Variants in MAX observed in about 807,000 individuals in gnomAD.
The protein encoded by MAX is protein max.
In MAX, 3 loss-of-function variants were observed where a neutral mutation model predicts 22.3. That is an observed-to-expected ratio of 0.13 (90% CI 0.06 to 0.35). The LOEUF is 0.35. Among genes scored for constraint, MAX ranks in the 10% least tolerant of loss-of-function variants. The pLI is 1.00. For synonymous variants in MAX, 72 were observed against 77.7 expected (o/e 0.93, Z 0.39); for missense variants, 119 against 209.4 (o/e 0.57, Z 2.66).
chr14:65,036,899 A>G (rs906016126), intron 3 of MAX, among the ~76,000 whole-genome samples: 1 of 152,096 alleles, frequency 6.6e-6, no homozygotes, highest in African/African-American at 2.4e-5. Context: ...GAGCCTCCCA[A>G]AGTACTGGGA....
chr14:65,077,866 G>A lies in MAX; in HGVS notation c.295+47C>T, dbSNP rs548782324. On this transcript the variant is annotated intron_variant, in intron 4 of 4. Coordinates refer to ENST00000358664, the MANE Select transcript of MAX (RefSeq NM_002382.5). This position sits in a 1 kb window ranked among gnomAD's most constrained non-coding sequence, Gnocchi z 6.3. The stretch of plus-strand genomic sequence containing the variant: ...AGGCCCAGGTGCCAAAGCCTGACCT[G>A]GCTGGAGCACAGCAGGGCCAGCTGC... 1.2e-6 allele frequency: 2 copies of A among 1,614,224 alleles called. No homozygotes were observed. The highest frequency in any genetic ancestry group is 1.3e-5 in the African/African-American group (1 of 75,064).
chr14:65,007,891 T>C lies in MAX; in HGVS notation c.172-1607A>G, dbSNP rs1299928128. ...GCTCCTCAGAAGTGAGAAATATTGATAATGTCCCTGTGCTAATAGAGCCCT... is the reference window on the plus strand; with the variant it reads ...GCTCCTCAGAAGTGAGAAATATTGACAATGTCCCTGTGCTAATAGAGCCCT... On this transcript the variant is annotated intron_variant, in intron 3 of 3. Transcript: ENST00000341653. This position sits in a 1 kb window ranked among gnomAD's most constrained non-coding sequence, Gnocchi z 4.9. 1.3e-5 allele frequency among the ~76,000 whole-genome samples: 2 copies of C among 152,198 alleles called. No homozygotes were observed. Among genetic ancestry groups the C allele is most frequent in the Non-Finnish European group, 2.9e-5 (2 of 68,030 alleles).
intron 3 of MAX, among the ~76,000 whole-genome samples, chr14:65,017,214 C>T (rs1436554214): frequency 2.0e-5 from 3 of 152,160 alleles, no homozygotes; most frequent in Admixed American, 6.6e-5. Flanking sequence ...TGAGCCACCA[C>T]ATCCAGCCTC....
chr14:65,013,246 C>G (rs144556776), intron 3 of MAX, among the ~76,000 whole-genome samples: 11 of 152,208 alleles, frequency 7.2e-5, no homozygotes, highest in African/African-American at 2.6e-4. Flanking sequence ...AACTGGAGAC[C>G]CTGTGCCCTT....
chr14:65,102,169 G>A, intron 1 of MAX, 135 bp downstream of exon 1: 1 of 1,494,830 alleles, frequency 6.7e-7, no homozygotes, highest in Admixed American at 2.0e-5. Flanking sequence ...ACGCGACGGA[G>A]GCACTCCTGG....
Position 65,029,417 on chromosome 14 carries a change from A to G in MAX, c.172-23133T>C. On this transcript the variant is annotated intron_variant, in intron 3 of 3. Coordinates refer to the MAX transcript ENST00000341653. This position sits in a 1 kb window ranked among gnomAD's most constrained non-coding sequence, Gnocchi z 4.7. ...GAGACTAGCTCGCTGCCCTTCTGGG[A>G]TAGACAGCAGTCTCTGGATGATCTT... Among the ~76,000 whole-genome samples the G allele has an allele frequency of 6.6e-6, 1 of 152,204 alleles. No individual in the cohort carries two copies. Among genetic ancestry groups the G allele is most frequent in the Admixed American group, 6.5e-5 (1 of 15,278 alleles).
At position 65,023,130 on chromosome 14, in the gene MAX, T is replaced by C. The variant is rs1292635069; in HGVS notation, c.172-16846A>G. On this transcript the variant is annotated intron_variant, in intron 3 of 3. Transcript: ENST00000341653. The surrounding 1 kb of genome is among the most constrained non-coding windows in gnomAD (Gnocchi z 4.1). ...TGGAATGCAGTGGCACAATCACAGC[T>C]CACTGCAACCTGGACTTCCCCAAGC... Among the ~76,000 whole-genome samples, 1 of 152,202 alleles carries C rather than the reference T, an allele frequency of 6.6e-6. No individual in the cohort carries two copies. The highest frequency in any genetic ancestry group is 1.5e-5 in the Non-Finnish European group (1 of 68,032).
chr14:65,022,284 GT>G (rs34044534), intron 3 of MAX, among the ~76,000 whole-genome samples: 4,239 of 143,974 alleles, frequency 0.029, 134 homozygotes, highest in East Asian at 0.086. Flanking sequence ...CTTTTTTTCT[GT>G]TTTTTTTTTT....
rs1357628064 is a variant in MAX at position 65,075,441 on chromosome 14, G to A, written c.*1035C>T. The stretch of plus-strand genomic sequence containing the variant: ...AAGGAAGTGGGATGAGGGCTGGGAA[G>A]GGTCCGCACTGGGGTGCGGGTTTAG... On this transcript the variant is annotated 3_prime_UTR_variant, in exon 5 of 5. Coordinates refer to ENST00000358664, the MANE Select transcript of MAX (RefSeq NM_002382.5). The surrounding 1 kb of genome is among the most constrained non-coding windows in gnomAD (Gnocchi z 4.1). The A allele has an allele frequency of 2.8e-6, 3 of 1,063,938 alleles. No individual in the cohort carries two copies. Among genetic ancestry groups the A allele is most frequent in the Admixed American group, 5.4e-5 (1 of 18,648 alleles). 65.9% of individuals were successfully genotyped at this position (1,063,938 alleles called of 1,614,324 possible).
At chr14:65,053,090 T>C (rs1041591278) in intron 3 of MAX, 5 of 489,550 alleles carry the variant, frequency 1.0e-5, no homozygotes, top group Non-Finnish European at 1.6e-5. Flanking sequence ...GCGTAGGACA[T>C]GGGGAAGATA....
rs1340974286 is a variant in MAX at position 65,028,279 on chromosome 14, G to A, written c.172-21995C>T. Among the ~76,000 whole-genome samples, 4 of 152,208 alleles carry A rather than the reference G, an allele frequency of 2.6e-5. No individual in the cohort carries two copies. The highest frequency in any genetic ancestry group is 1.9e-4 in the East Asian group (1 of 5,180). On this transcript the variant is annotated intron_variant, in intron 3 of 3. Coordinates refer to the MAX transcript ENST00000341653. The surrounding 1 kb of genome is among the most constrained non-coding windows in gnomAD (Gnocchi z 4.4). ...CGGGAGAGTGCAGTGCAATAAAATC[G>A]CATTAACTGATTGGTGCCAGTTAGC...
chr14:65,012,459 C>T lies in MAX; in HGVS notation c.172-6175G>A, dbSNP rs561276261. On this transcript the variant is annotated intron_variant, in intron 3 of 3. Coordinates refer to the MAX transcript ENST00000341653. This position sits in a 1 kb window ranked among gnomAD's most constrained non-coding sequence, Gnocchi z 5.0. ...AATCCTCCTCCTTTTTCTATTTAAA[C>T]GTAAAAGACTGTTGGGGCTGACCTG... 61 of 1,591,418 alleles carry T rather than the reference C, an allele frequency of 3.8e-5. No homozygotes were observed. The highest frequency in any genetic ancestry group is 2.3e-4 in the East Asian group (10 of 44,278).
In MAX at chr14:65,036,191, T is replaced by G. The variant is rs542006063; in HGVS notation, c.172-29907A>C. Among the ~76,000 whole-genome samples, 25 of 152,236 alleles carry G rather than the reference T, an allele frequency of 1.6e-4. No homozygotes were observed. The South Asian group carries it at 5.0e-3, about 30-fold the overall frequency. ...TTATTCCACTGCTCTGTGTCATAGT[T>G]TCCTTATATGTCAAGTGGTGGGATA... On this transcript the variant is annotated intron_variant, in intron 3 of 3. Transcript: ENST00000341653.
chr14:65,048,242 C>T (rs1320694849), intron 3 of MAX, among the ~76,000 whole-genome samples: 1 of 151,308 alleles, frequency 6.6e-6, no homozygotes, highest in African/African-American at 2.4e-5. Context: ...CTTGGCCACA[C>T]AAAGTGCTGA....
Position 65,084,073 on chromosome 14 carries a change from A to AG in MAX, c.172-6038dup. 2.5e-6 allele frequency: 4 copies of AG among 1,597,988 alleles called. No individual in the cohort carries two copies. Among genetic ancestry groups the AG allele is most frequent in the Non-Finnish European group, 3.4e-6 (4 of 1,169,656 alleles). On this transcript the variant is annotated intron_variant, in intron 3 of 4. Coordinates refer to ENST00000358664, the MANE Select transcript of MAX (RefSeq NM_002382.5). This position sits in a 1 kb window ranked among gnomAD's most constrained non-coding sequence, Gnocchi z 4.3. ...CTGCTGCCAGGGCCTCCCCAGCCAC[A>AG]GGACCATTTTGCTGATTACCAGGGT... is the stretch of plus-strand genomic sequence containing the variant.
intron 1 of MAX, 112 bp downstream of exon 1, chr14:65,102,192 G>A (rs2063867925): frequency 3.2e-6 from 5 of 1,554,888 alleles, no homozygotes; most frequent in Non-Finnish European, 3.5e-6. Flanking sequence ...CCGAGGGGAA[G>A]GGGAAGGAGG....
intron 3 of MAX, among the ~76,000 whole-genome samples, chr14:65,033,607 C>T (rs1355175268): frequency 6.6e-6 from 1 of 152,164 alleles, no homozygotes; most frequent in East Asian, 1.9e-4. Flanking sequence ...CCTGTAATTC[C>T]AGCACTTTGG....
intron 3 of MAX, among the ~76,000 whole-genome samples, chr14:65,045,053 C>G (rs1489290372): frequency 6.6e-6 from 1 of 152,124 alleles, no homozygotes; most frequent in East Asian, 1.9e-4. Context: ...TAGAGAAATC[C>G]ACGTTCGTTT....
In MAX at chr14:65,025,028, C is replaced by G. The variant is rs551828174; in HGVS notation, c.172-18744G>C. ...ATGACAGCTGGTAGTTCATAGTCAA[C>G]TTGCCAATTCCTTAAGGTGCAAGTT... On this transcript the variant is annotated intron_variant, in intron 3 of 3. Coordinates refer to the MAX transcript ENST00000341653. Among the ~76,000 whole-genome samples, 6 of 152,304 alleles carry G rather than the reference C, an allele frequency of 3.9e-5. 1 individual carries two copies. In the South Asian group the frequency reaches 1.2e-3, roughly 32 times the overall value.
Sources: allele counts gnomAD v4.1 joint callset (sites outside exome capture counted in the v4.1 genomes callset), GRCh38; gene constraint gnomAD v4.1.1; non-coding constraint Gnocchi (gnomAD v3.1); transcripts MANE v1.5; gene names NCBI Gene and HGNC (gene_info 2026-07-23, HGNC 2026-07-21).